The following MARCHF3 variants were observed in gnomAD, a reference collection of about 807,000 sequenced individuals.
MARCHF3 encodes the protein E3 ubiquitin-protein ligase MARCHF3.
Under a neutral mutation model 24.2 loss-of-function variants are expected in MARCHF3, and 13 were observed. The ratio of observed to expected loss-of-function variants is 0.54; its 90% CI spans 0.35 to 0.85. The LOEUF (loss-of-function observed/expected upper bound fraction) is 0.85, where lower values mean the gene tolerates loss of function less well. Ranked by LOEUF, MARCHF3 falls within the 40% of genes least tolerant of loss-of-function variation. MARCHF3 has a pLI of 0.01. For synonymous variants in MARCHF3, 144 were observed against 137.3 expected, an observed-to-expected ratio of 1.05 and a Z score of -0.34; for missense variants, 276 against 325.0, an observed-to-expected ratio of 0.85 and a Z score of 1.16.
In MARCHF3 at chr5:126,870,726, G is replaced by A. The variant is rs768510850; in HGVS notation, c.669C>T (p.Leu223=). ...EWRRTNQRVI[L]LIPKSVNVPS... is the part of the protein sequence containing the mutation. ...GTACATTGACAGACTTTGGAATGAG[G>A]AGAATCACCCTCTGATTGGTCCGAC... is the stretch of plus-strand genomic sequence containing the variant. The change falls in exon 5 of 5, where the codon CTC becomes CTT. Residue 223 remains leucine, a synonymous_variant. Transcript: ENST00000308660. The A allele has an allele frequency of 2.7e-5, 44 of 1,614,102 alleles. No individual in the cohort carries two copies. Among genetic ancestry groups the A allele is most frequent in the Non-Finnish European group, 3.1e-5 (36 of 1,180,044 alleles).
At chr5:127,002,634 T>C (rs1274740544) in intron 1 of MARCHF3, among the ~76,000 whole-genome samples, 1 of 152,220 alleles carries the variant, frequency 6.6e-6, no homozygotes, top group Non-Finnish European at 1.5e-5. Flanking sequence ...CAGTGCTGTA[T>C]TGGCACTAAG....
chr5:126,942,379 A>G (rs1749857842), intron 1 of MARCHF3, among the ~76,000 whole-genome samples: 1 of 152,230 alleles, frequency 6.6e-6, no homozygotes, highest in Admixed American at 6.5e-5. Context: ...GCTATATTTT[A>G]ATAAAACTTA....
chr5:126,980,240 T>A (rs963355411), intron 1 of MARCHF3, among the ~76,000 whole-genome samples: 12 of 152,312 alleles, frequency 7.9e-5, no homozygotes, highest in Admixed American at 7.8e-4. Flanking sequence ...GGCAGCCATG[T>A]GGGAGCCCTA....
intron 3 of MARCHF3, among the ~76,000 whole-genome samples, chr5:126,883,735 A>G (rs1753414873): frequency 6.6e-6 from 1 of 152,192 alleles, no homozygotes; most frequent in Non-Finnish European, 1.5e-5. Context: ...TGTGTTACAG[A>G]ACTTTAGACT....
At position 126,915,082 on chromosome 5, in the gene MARCHF3, C is replaced by T. The variant is rs1230905389; in HGVS notation, c.241G>A (p.Glu81Lys). Residue 81 changes from glutamate to lysine, a missense_variant, in exon 3 of 5, where the codon GAG becomes AAG. Transcript: ENST00000308660. Reference sequence around the variant, plus strand: ...CATTCACATGGAGAGAGCAAGTCCTCTTGGCTGCTGCCCTCGTGGCAGATC... The same window carrying T: ...CATTCACATGGAGAGAGCAAGTCCTTTTGGCTGCTGCCCTCGTGGCAGATC... ...CRICHEGSSQ[E>K]DLLSPCECTG... 6.2e-7 allele frequency: 1 copy of T among 1,614,188 alleles called. No individual in the cohort carries two copies. The highest frequency in any genetic ancestry group is 8.5e-7 in the Non-Finnish European group (1 of 1,180,046).
chr5:126,890,962 T>G (rs1235679529), intron 3 of MARCHF3, among the ~76,000 whole-genome samples: 11 of 150,010 alleles, frequency 7.3e-5, no homozygotes, highest in African/African-American at 2.7e-4. Flanking sequence ...GTTTCCTGAC[T>G]TTTTAATGAT....
At chr5:126,966,703 A>C (rs1470420706) in intron 1 of MARCHF3, among the ~76,000 whole-genome samples, 1 of 151,994 alleles carries the variant, frequency 6.6e-6, no homozygotes, top group Non-Finnish European at 1.5e-5. Context: ...TTTACTGAAC[A>C]TATTTAATCC....
chr5:126,938,163 T>C (rs1333727494), intron 1 of MARCHF3, among the ~76,000 whole-genome samples: 3 of 149,258 alleles, frequency 2.0e-5, no homozygotes, highest in African/African-American at 2.5e-5. Context: ...GTTGATCTGA[T>C]TCTTTTTTTT....
At chr5:126,973,491 T>C (rs1454629736) in intron 1 of MARCHF3, among the ~76,000 whole-genome samples, 4 of 152,254 alleles carry the variant, frequency 2.6e-5, no homozygotes, top group African/African-American at 7.2e-5. Context: ...CTGGCAGCTC[T>C]GAGGTCACAC....
chr5:127,024,291 A>G (rs1752924761), intron 1 of MARCHF3, among the ~76,000 whole-genome samples: 1 of 152,234 alleles, frequency 6.6e-6, no homozygotes, highest in Non-Finnish European at 1.5e-5. Context: ...TTGGTGAACT[A>G]TCTTTATGCA....
rs560095986 is a variant in MARCHF3, at chr5:126,976,488, G to C, written c.-57+53862C>G. ...CCCTGGCTTCCTTGCAGAACTATCT[G>C]ACCCTCTACTGGGGCACTCAGCCCC... On this transcript the variant is annotated intron_variant, in intron 1 of 4. Coordinates refer to ENST00000308660, the MANE Select transcript of MARCHF3 (RefSeq NM_178450.5). Among the ~76,000 whole-genome samples, 4 of 152,248 alleles carry C rather than the reference G, an allele frequency of 2.6e-5. No individual in the cohort carries two copies. In the South Asian group the frequency reaches 8.3e-4, roughly 32 times the overall value.
chr5:126,908,104 T>A (rs1259487888), intron 3 of MARCHF3, among the ~76,000 whole-genome samples: 1 of 152,176 alleles, frequency 6.6e-6, no homozygotes, highest in Non-Finnish European at 1.5e-5. Flanking sequence ...GGATATGAAA[T>A]TCTGGGTTGA....
At chr5:126,914,464 C>G (rs1238915261) in intron 3 of MARCHF3, among the ~76,000 whole-genome samples, 1 of 152,042 alleles carries the variant, frequency 6.6e-6, no homozygotes, top group Non-Finnish European at 1.5e-5. Flanking sequence ...GGTCACAGAA[C>G]CCAGGACATC....
intron 1 of MARCHF3, among the ~76,000 whole-genome samples, chr5:127,013,355 G>A (rs73786302): frequency 0.015 from 2,256 of 152,248 alleles, 52 homozygotes; most frequent in African/African-American, 0.045. Flanking sequence ...AAAAGCTTCC[G>A]TTAAGACAGG....
intron 4 of MARCHF3, among the ~76,000 whole-genome samples, chr5:126,871,110 G>T (rs1461508980): frequency 6.6e-6 from 1 of 152,132 alleles, no homozygotes; most frequent in Non-Finnish European, 1.5e-5. Flanking sequence ...CGGACTAGTG[G>T]TGGATACAAT....
At chr5:127,020,687 C>A (rs932401701) in intron 1 of MARCHF3, among the ~76,000 whole-genome samples, 3 of 151,838 alleles carry the variant, frequency 2.0e-5, no homozygotes, top group African/African-American at 7.3e-5. Context: ...CATGTCTCTA[C>A]AAAAAATGGA....
intron 3 of MARCHF3, among the ~76,000 whole-genome samples, chr5:126,905,925 C>T (rs1754276403): frequency 6.6e-6 from 1 of 152,086 alleles, no homozygotes; most frequent in Non-Finnish European, 1.5e-5. Context: ...CAGTTTCTGC[C>T]CATTCAGTAT....
chr5:127,011,364 A>C (rs2126857416), intron 1 of MARCHF3, among the ~76,000 whole-genome samples: 1 of 152,156 alleles, frequency 6.6e-6, no homozygotes, highest in South Asian at 2.1e-4. Flanking sequence ...AAATAACCTC[A>C]AGCTCTTTGG....
chr5:127,021,016 C>T (rs1752788739), intron 1 of MARCHF3, among the ~76,000 whole-genome samples: 1 of 152,142 alleles, frequency 6.6e-6, no homozygotes, highest in African/African-American at 2.4e-5. Context: ...TGATCTTGAA[C>T]TTCCCAGCAT....
Sources: allele counts gnomAD v4.1 joint callset (sites outside exome capture counted in the v4.1 genomes callset), GRCh38; gene constraint gnomAD v4.1.1; transcripts MANE v1.5; gene names NCBI Gene and HGNC (gene_info 2026-07-23, HGNC 2026-07-21).